Variants in MDN1 observed in about 807,000 individuals in gnomAD.
MDN1 encodes midasin.
MDN1 carries 266 observed loss-of-function variants against 669.2 expected under a neutral mutation model. That is an observed-to-expected ratio of 0.40 (90% CI 0.36 to 0.44). The LOEUF (loss-of-function observed/expected upper bound fraction) is 0.44, where lower values mean the gene tolerates loss of function less well. MDN1 is among the 20% of genes least tolerant of loss of function. MDN1 has a pLI of 1.00. For missense variants in MDN1, 5,940 were observed against 6,754.0 expected (o/e 0.88, Z 4.22); for synonymous variants, 2,385 against 2,457.1 (o/e 0.97, Z 0.87).
chr6:89,646,732 C>T lies in MDN1; in HGVS notation c.16396-129G>A, dbSNP rs189471337. On this transcript the variant is annotated intron_variant, in intron 99 of 101. Coordinates refer to ENST00000369393, the MANE Select transcript of MDN1 (RefSeq NM_014611.3). ...CCACCTCAGGTTTACAGACCATCAA[C>T]TAACTGTCCCTTCTGGCCGTATGTA... 7.9e-4 allele frequency: 568 copies of T among 714,888 alleles called. 3 individuals are homozygous for T. Among genetic ancestry groups the T allele is most frequent in the Middle Eastern group, 5.5e-3 (23 of 4,184 alleles). The allele number at this position is 714,888 out of a possible 1,614,324, so 44.3% of individuals were successfully genotyped here.
At chr6:89,711,945 G>T in intron 49 of MDN1, 91 bp downstream of exon 49, 2 of 1,163,644 alleles carry the variant, frequency 1.7e-6, no homozygotes, top group Non-Finnish European at 1.2e-6. Flanking sequence ...TTTTAACAGT[G>T]TAGTCACAGA....
At chr6:89,660,396 G>A (rs2128300925) in intron 88 of MDN1, among the ~76,000 whole-genome samples, 1 of 152,024 alleles carries the variant, frequency 6.6e-6, no homozygotes, top group East Asian at 1.9e-4. Flanking sequence ...TGTTGTTCAG[G>A]CTGGTCTCAA....
At chr6:89,735,857 T>G (rs2128316075) in intron 33 of MDN1, among the ~76,000 whole-genome samples, 1 of 152,178 alleles carries the variant, frequency 6.6e-6, no homozygotes, top group East Asian at 1.9e-4. Flanking sequence ...CCGTCTCTAC[T>G]AAAAATACAA....
intron 99 of MDN1, 68 bp from the exon 100 acceptor site, chr6:89,646,671 G>T: frequency 1.5e-6 from 2 of 1,341,980 alleles, no homozygotes; most frequent in South Asian, 1.2e-5. Context: ...CAAAGAGACT[G>T]ATAGTATTTC....
rs1464694489 is a variant in MDN1 at position 89,674,524 on chromosome 6, G to A, written c.12827C>T (p.Ala4276Val). 1.2e-6 allele frequency: 2 copies of A among 1,607,170 alleles called. No homozygotes were observed. Among genetic ancestry groups the A allele is most frequent in the Non-Finnish European group, 8.5e-7 (1 of 1,179,442 alleles). The change falls in exon 79 of 102, where the codon GCC (alanine) becomes GTC (valine). Residue 4276 changes from alanine to valine, a missense_variant. Physicochemically the swap from Ala to Val is moderately conservative, Grantham distance 64. This residue lies in a region of MDN1 where 2,280 missense variants were observed against 2,576.3 expected (regional missense o/e 0.88). Coordinates refer to ENST00000369393, the MANE Select transcript of MDN1 (RefSeq NM_014611.3). ...RLMGPQAYPV[A>V]FPPQDGVQQW... Reference sequence around the variant, plus strand: ...CTGCACGCCATCCTGAGGGGGGAAGGCCACGGGGTAGGCCTGGGGCCCCAT... The same window carrying A: ...CTGCACGCCATCCTGAGGGGGGAAGACCACGGGGTAGGCCTGGGGCCCCAT...
rs779227729 is a variant in MDN1 at position 89,819,513 on chromosome 6, G to T, written c.95C>A (p.Ala32Asp). 1.2e-6 allele frequency: 2 copies of T among 1,605,796 alleles called. No homozygotes were observed. The highest frequency in any genetic ancestry group is 1.3e-5 in the African/African-American group (1 of 74,902). The part of the protein sequence containing the change: ...KSRSELGRFL[A>D]KQVWTPQDRQ... Reference sequence around the variant, plus strand: ...TCTCCCTTCACGTCTTACCTGCTTGGCCAAGAACCTGCCCAACTCACTGCG... The same window carrying T: ...TCTCCCTTCACGTCTTACCTGCTTGTCCAAGAACCTGCCCAACTCACTGCG... Residue 32 changes from alanine to aspartate, a missense_variant, in exon 1 of 102, where the codon GCC becomes GAC. This residue lies in a region of MDN1 where 1,203 missense variants were observed against 1,268.9 expected (regional missense o/e 0.95). Transcript: ENST00000369393.
At chr6:89,662,379 A>G (rs902671898) in intron 86 of MDN1, 140 bp from the exon 87 acceptor site, 4 of 785,756 alleles carry the variant, frequency 5.1e-6, no homozygotes, top group Middle Eastern at 3.7e-4. Flanking sequence ...TCCGTGACCT[A>G]GAGAAAACAG....
chr6:89,786,531 C>T (rs1004795223), intron 8 of MDN1, among the ~76,000 whole-genome samples: 5 of 152,110 alleles, frequency 3.3e-5, no homozygotes, highest in African/African-American at 1.2e-4. Flanking sequence ...CACTTGAGCC[C>T]AGGAGTTTGT....
In MDN1 at chr6:89,757,223, A is replaced by T. The variant is rs191823776; in HGVS notation, c.2703-833T>A. On this transcript the variant is annotated intron_variant, in intron 19 of 101. Coordinates refer to ENST00000369393, the MANE Select transcript of MDN1 (RefSeq NM_014611.3). ...TAATTTATTTTTTCCCAAATGTTAC[A>T]TACATAAAACACCAACAACTAAGTA... Among the ~76,000 whole-genome samples, 28 of 152,322 alleles carry T rather than the reference A, an allele frequency of 1.8e-4. No individual in the cohort carries two copies. The East Asian group carries it at 4.4e-3, about 24-fold the overall frequency.
At chr6:89,811,173 T>C (rs892311423) in intron 1 of MDN1, among the ~76,000 whole-genome samples, 4 of 152,182 alleles carry the variant, frequency 2.6e-5, no homozygotes, top group African/African-American at 9.6e-5. Context: ...TGAATACTAC[T>C]AGTTAATGAA....
intron 14 of MDN1, 131 bp downstream of exon 14, chr6:89,772,442 A>T: frequency 1.1e-6 from 1 of 934,722 alleles, no homozygotes; most frequent in Non-Finnish European, 1.6e-6. Flanking sequence ...AGTTATTTCC[A>T]GGCAGAGATT....
chr6:89,650,216 G>C lies in MDN1; in HGVS notation c.16032-18C>G. ...AGTCTCCTCTATTTATTCAAATGGG[G>C]GCAAAAATTAGTTAACAACTTTTAA... On this transcript the variant is annotated intron_variant, in intron 96 of 101. Transcript: ENST00000369393. The C allele has an allele frequency of 6.3e-7, 1 of 1,595,574 alleles. No homozygotes were observed. Among genetic ancestry groups the C allele is most frequent in the Non-Finnish European group, 8.5e-7 (1 of 1,170,370 alleles).
intron 88 of MDN1, among the ~76,000 whole-genome samples, chr6:89,659,897 A>AT (rs1224541509): frequency 6.6e-6 from 1 of 152,038 alleles, no homozygotes; most frequent in Non-Finnish European, 1.5e-5. Flanking sequence ...TTATTTTTTT[A>AT]TTTTTTTGAG....
chr6:89,664,041 A>G (rs1484117444), intron 85 of MDN1, among the ~76,000 whole-genome samples: 3 of 152,126 alleles, frequency 2.0e-5, no homozygotes, highest in Admixed American at 1.3e-4. Context: ...ATATACCACT[A>G]TTTATTAAGT....
chr6:89,692,959 A>T lies in MDN1; in HGVS notation c.10071T>A (p.Asp3357Glu). 1 of 1,614,130 alleles carries T rather than the reference A, an allele frequency of 6.2e-7. No individual in the cohort carries two copies. ...GGGCTACTTGGGCAGACCGTGGCCC[A>T]TCTATGTGGAGGGCCTGCAGAAGCC... is the stretch of plus-strand genomic sequence containing the variant. The part of the protein sequence containing the change: ...LTRLLQALHI[D>E]GPRSAQVAQS... The change falls in exon 63 of 102, where the codon GAT becomes GAA. Residue 3357 changes from aspartate (D) to glutamate (E), a missense_variant. This residue lies in a region of MDN1 where 150 missense variants were observed against 234.2 expected (regional missense o/e 0.64). Coordinates refer to ENST00000369393, the MANE Select transcript of MDN1 (RefSeq NM_014611.3).
chr6:89,725,265 C>T lies in MDN1; in HGVS notation c.5604G>A (p.Gln1868=), dbSNP rs767216385. The T allele has an allele frequency of 1.9e-6, 3 of 1,614,040 alleles. No individual in the cohort carries two copies. The South Asian group carries it at 3.3e-5, about 18-fold the overall frequency. ...QHEKTKIFGC[Q]NPFRQGGGRK... ...TCCCACCTCCTTGTCTAAAGGGATT[C>T]TGACACCCAAAAATCTTCGTCTTTT... Residue 1868 remains glutamine, a synonymous_variant, in exon 38 of 102, where the codon CAG becomes CAA. Coordinates refer to ENST00000369393, the MANE Select transcript of MDN1 (RefSeq NM_014611.3).
intron 76 of MDN1, among the ~76,000 whole-genome samples, chr6:89,676,575 G>A (rs910377559): frequency 2.6e-5 from 4 of 152,204 alleles, no homozygotes; most frequent in African/African-American, 7.2e-5. Flanking sequence ...ACGTGGGGAA[G>A]ACACAGGGGT....
At chr6:89,735,648 T>C (rs1013526578) in intron 33 of MDN1, among the ~76,000 whole-genome samples, 2 of 152,200 alleles carry the variant, frequency 1.3e-5, no homozygotes, top group Non-Finnish European at 1.5e-5. Flanking sequence ...GTGGTATTTA[T>C]ATACTCATTA....
intron 52 of MDN1, among the ~76,000 whole-genome samples, chr6:89,706,829 T>A (rs1009999552): frequency 6.6e-6 from 1 of 152,140 alleles, no homozygotes; most frequent in Non-Finnish European, 1.5e-5. Context: ...CCAATAGATA[T>A]GAGAAAACAT....
Sources: allele counts gnomAD v4.1 joint callset (sites outside exome capture counted in the v4.1 genomes callset), GRCh38; gene constraint gnomAD v4.1.1; regional missense constraint gnomAD v4.1.1; transcripts MANE v1.5; gene names NCBI Gene and HGNC (gene_info 2026-07-23, HGNC 2026-07-21).